Variants in TMEM132D observed in about 807,000 individuals in gnomAD.
TMEM132D encodes transmembrane protein 132D, also known as mature OL transmembrane protein.
In TMEM132D, 21 loss-of-function variants were observed where a neutral mutation model predicts 62.3. That is an observed-to-expected ratio of 0.34 (90% confidence interval 0.24 to 0.49). The LOEUF (loss-of-function observed/expected upper bound fraction) is 0.49. TMEM132D is among the 20% of genes least tolerant of loss of function. The pLI, the probability that TMEM132D is intolerant of heterozygous loss-of-function variation, is 0.99. For synonymous variants in TMEM132D, 621 were observed against 575.6 expected (o/e 1.08, Z -1.13); for missense variants, 1,346 against 1,402.8 (o/e 0.96, Z 0.65).
At chr12:129,339,175 G>A (rs1869386061) in intron 3 of TMEM132D, among the ~76,000 whole-genome samples, 1 of 152,132 alleles carries the variant, frequency 6.6e-6, no homozygotes, top group African/African-American at 2.4e-5. Context: ...GGAGGCTGAG[G>A]CATGAGAATT....
In TMEM132D at chr12:129,894,652, T is replaced by G. The variant is rs954947317; in HGVS notation, c.79+8609A>C. On this transcript the variant is annotated intron_variant, in intron 1 of 8. Coordinates refer to ENST00000422113, the MANE Select transcript of TMEM132D (RefSeq NM_133448.3). ...TGATAAAACTATGATTATTCATGAGTGCTCCTGGCCTTCCAGGCCTCCGCT... is the reference window on the plus strand; with the variant it reads ...TGATAAAACTATGATTATTCATGAGGGCTCCTGGCCTTCCAGGCCTCCGCT... 3.3e-5 allele frequency among the ~76,000 whole-genome samples: 5 copies of G among 152,276 alleles called. No individual in the cohort carries two copies. In the East Asian group the frequency reaches 7.7e-4, roughly 24 times the overall value.
At chr12:129,328,628 A>G (rs1868998712) in intron 4 of TMEM132D, among the ~76,000 whole-genome samples, 1 of 152,250 alleles carries the variant, frequency 6.6e-6, no homozygotes, top group Non-Finnish European at 1.5e-5. Flanking sequence ...TTTGTGCATA[A>G]TAAATAATTC....
chr12:129,704,278 A>C (rs1047504468), intron 1 of TMEM132D, among the ~76,000 whole-genome samples: 7 of 152,234 alleles, frequency 4.6e-5, no homozygotes, highest in Admixed American at 4.6e-4. Context: ...GATATCTGAT[A>C]TCTAGGCAGC....
intron 2 of TMEM132D, among the ~76,000 whole-genome samples, chr12:129,543,437 T>C (rs779747782): frequency 6.6e-6 from 1 of 152,110 alleles, no homozygotes; most frequent in African/African-American, 2.4e-5. Flanking sequence ...CCTCAACTTA[T>C]GATGGGGTTA....
At chr12:129,141,803 T>G (rs936332927) in intron 5 of TMEM132D, among the ~76,000 whole-genome samples, 1 of 151,982 alleles carries the variant, frequency 6.6e-6, no homozygotes, top group Non-Finnish European at 1.5e-5. Flanking sequence ...TTTGAAAAAC[T>G]AACTTTGGGG....
chr12:129,745,274 C>A (rs1327736632), intron 1 of TMEM132D, among the ~76,000 whole-genome samples: 4 of 152,190 alleles, frequency 2.6e-5, no homozygotes, highest in Admixed American at 2.6e-4. Context: ...AAGTGCTGGG[C>A]AGGCAATGTT....
At chr12:129,240,273 C>T (rs1002890527) in intron 4 of TMEM132D, among the ~76,000 whole-genome samples, 11 of 152,034 alleles carry the variant, frequency 7.2e-5, no homozygotes, top group South Asian at 2.1e-4. Context: ...ACTTTTATGC[C>T]GCTGGATACC....
intron 5 of TMEM132D, among the ~76,000 whole-genome samples, chr12:129,168,544 T>A (rs1877629080): frequency 6.6e-6 from 1 of 152,176 alleles, no homozygotes; most frequent in Non-Finnish European, 1.5e-5. Context: ...CACGTCCAGC[T>A]TCCTTCACCT....
At chr12:129,319,060 A>G (rs898865232) in intron 4 of TMEM132D, among the ~76,000 whole-genome samples, 1 of 152,148 alleles carries the variant, frequency 6.6e-6, no homozygotes, top group Non-Finnish European at 1.5e-5. Flanking sequence ...GCGGAAAAAA[A>G]GGTCTTGGTT....
chr12:129,626,745 C>T (rs985062291), intron 2 of TMEM132D, among the ~76,000 whole-genome samples: 1 of 152,162 alleles, frequency 6.6e-6, no homozygotes, highest in African/African-American at 2.4e-5. Flanking sequence ...CGTGAGCCAC[C>T]AGGCCGGCCT....
At chr12:129,507,279 A>G (rs998642051) in intron 3 of TMEM132D, among the ~76,000 whole-genome samples, 18 of 152,216 alleles carry the variant, frequency 1.2e-4, no homozygotes, top group African/African-American at 4.1e-4. Context: ...AAATTAGTAC[A>G]AACACTATGC....
chr12:129,350,679 G>A (rs2135667805), intron 3 of TMEM132D, among the ~76,000 whole-genome samples: 1 of 152,282 alleles, frequency 6.6e-6, no homozygotes, highest in Non-Finnish European at 1.5e-5. Context: ...GTGGAGAATT[G>A]CCACTTTCCT....
intron 5 of TMEM132D, among the ~76,000 whole-genome samples, chr12:129,181,556 C>T (rs1352934611): frequency 6.6e-6 from 1 of 152,192 alleles, no homozygotes; most frequent in Non-Finnish European, 1.5e-5. Context: ...CACAGTGCTC[C>T]TATATGGATC....
intron 2 of TMEM132D, among the ~76,000 whole-genome samples, chr12:129,577,227 G>T (rs1250923485): frequency 1.3e-5 from 2 of 151,726 alleles, no homozygotes; most frequent in Non-Finnish European, 2.9e-5. Flanking sequence ...CAGCACACAG[G>T]GATTTAAGCA....
chr12:129,673,383 C>T (rs946625501), intron 2 of TMEM132D, among the ~76,000 whole-genome samples: 1 of 152,096 alleles, frequency 6.6e-6, no homozygotes, highest in Non-Finnish European at 1.5e-5. Flanking sequence ...ATCTGGGTAA[C>T]GTACAGATCC....
rs572284165 is a variant in TMEM132D at position 129,397,285 on chromosome 12, T to C, written c.1116-59468A>G. Among the ~76,000 whole-genome samples the C allele has an allele frequency of 5.9e-5, 9 of 152,296 alleles. No homozygotes were observed. In the South Asian group the frequency reaches 6.2e-4, roughly 11 times the overall value. ...CCCTGTGAGCTTTCAGAAGAGAGTA[T>C]TGCTTGTCTGGGAGACTGAGTTTGC... On this transcript the variant is annotated intron_variant, in intron 3 of 8. Coordinates refer to ENST00000422113, the MANE Select transcript of TMEM132D (RefSeq NM_133448.3).
chr12:129,899,130 T>TGAATGGATGGATGAAATGATAGATG (rs1463560990), intron 1 of TMEM132D, among the ~76,000 whole-genome samples: 6 of 150,622 alleles, frequency 4.0e-5, no homozygotes, highest in Non-Finnish European at 8.8e-5. Context: ...GATGGAATGA[T>TGAATGGATGGATGAAATGATAGATG]GAATGGATGG....
chr12:129,735,819 T>C (rs1370215329), intron 1 of TMEM132D, among the ~76,000 whole-genome samples: 1 of 152,232 alleles, frequency 6.6e-6, no homozygotes, highest in Admixed American at 6.5e-5. Flanking sequence ...CTCTTGACCA[T>C]GAATATGTGA....
At chr12:129,344,972 T>C (rs1869634438) in intron 3 of TMEM132D, among the ~76,000 whole-genome samples, 1 of 152,108 alleles carries the variant, frequency 6.6e-6, no homozygotes. Context: ...TAGGTGTGAT[T>C]GAGAAGCACA....
Sources: allele counts gnomAD v4.1 joint callset (sites outside exome capture counted in the v4.1 genomes callset), GRCh38; gene constraint gnomAD v4.1.1; transcripts MANE v1.5; gene names NCBI Gene and HGNC (gene_info 2026-07-23, HGNC 2026-07-21).